The following DHRS9 variants were observed in gnomAD, a reference collection of about 807,000 sequenced individuals.
The protein encoded by DHRS9 is dehydrogenase/reductase SDR family member 9.
In DHRS9, 18 loss-of-function variants were observed where a neutral mutation model predicts 26.6. The ratio of observed to expected loss-of-function variants is 0.68; its 90% confidence interval spans 0.47 to 1.00. The LOEUF is 1.00. Among genes scored for constraint, DHRS9 ranks in the 50% least tolerant of loss-of-function variants. DHRS9 has a pLI of 0.00. For synonymous variants in DHRS9, 134 were observed against 141.1 expected, an observed-to-expected ratio of 0.95 and a Z score of 0.36; for missense variants, 425 against 378.7, an observed-to-expected ratio of 1.12 and a Z score of -1.01.
rs200691133 is a variant in DHRS9, at chr2:169,078,815, C to CTTTTTTTTTTTTTTTTTT, written c.-59-2699_-59-2682dup. On this transcript the variant is annotated intron_variant, in intron 1 of 4. Coordinates refer to ENST00000674881, the MANE Select transcript of DHRS9 (RefSeq NM_001376924.1). ...CTCTGACTTAATTTTTATCAACTGA[C>CTTTTTTTTTTTTTTTTTT]TTTTTTTTTTTTTTTTTTTTTTTTT... Among the ~76,000 whole-genome samples the CTTTTTTTTTTTTTTTTTT allele has an allele frequency of 1.6e-4, 18 of 110,366 alleles. 5 individuals are homozygous for CTTTTTTTTTTTTTTTTTT. Among genetic ancestry groups the CTTTTTTTTTTTTTTTTTT allele is most frequent in the African/African-American group, 6.4e-4 (17 of 26,666 alleles). The allele number at this position is 110,366 out of a possible 152,430, so 72.4% of individuals were successfully genotyped here. A position where few individuals can be genotyped will look rare whatever the true frequency, so the allele number is the denominator to read the frequency against.
At chr2:169,079,466 G>A (rs1376650503) in intron 1 of DHRS9, among the ~76,000 whole-genome samples, 1 of 151,736 alleles carries the variant, frequency 6.6e-6, no homozygotes, top group Non-Finnish European at 1.5e-5. Flanking sequence ...TTTTTTCTAT[G>A]TTTTTTCTTG....
At chr2:169,084,778 T>C (rs1399575716) in intron 3 of DHRS9, among the ~76,000 whole-genome samples, 3 of 152,128 alleles carry the variant, frequency 2.0e-5, no homozygotes, top group Non-Finnish European at 4.4e-5. Flanking sequence ...CCATTCTATG[T>C]GTTGTCTTTT....
At chr2:169,090,029 A>T (rs1009127404) in intron 3 of DHRS9, among the ~76,000 whole-genome samples, 2 of 152,220 alleles carry the variant, frequency 1.3e-5, no homozygotes, top group African/African-American at 4.8e-5. Flanking sequence ...TTTCAACTGA[A>T]GGGTTTGTGA....
At chr2:169,070,152 C>A (rs2105275964) in intron 1 of DHRS9, 1 of 985,366 alleles carries the variant, frequency 1.0e-6, no homozygotes, top group African/African-American at 1.7e-5. Context: ...TGTCTGTCCG[C>A]TTTATCAATA....
rs745788949 is a variant in DHRS9 at position 169,091,911 on chromosome 2, C to G, written c.694C>G (p.Pro232Ala). ...KKLAIWEQLS[P>A]DIKQQYGEGY... ...ACTCGCCATTTGGGAGCAGCTGTCT[C>G]CAGACATCAAACAACAATATGGAGA... Residue 232 changes from proline (P) to alanine (A), a missense_variant, in exon 4 of 5, where the codon CCA becomes GCA. Physicochemically the swap from Pro to Ala is conservative, Grantham distance 27. Coordinates refer to ENST00000674881, the MANE Select transcript of DHRS9 (RefSeq NM_001376924.1). The G allele has an allele frequency of 6.2e-7, 1 of 1,613,986 alleles. No individual in the cohort carries two copies.
chr2:169,067,355 C>T (rs991177234), upstream of DHRS9: 22 of 1,490,558 alleles, frequency 1.5e-5, no homozygotes, highest in Middle Eastern at 1.7e-4. Flanking sequence ...GGAAGCCTAA[C>T]GTATGTCTCC....
At chr2:169,090,286 C>A (rs1574036466) in intron 3 of DHRS9, among the ~76,000 whole-genome samples, 1 of 152,264 alleles carries the variant, frequency 6.6e-6, no homozygotes, top group Middle Eastern at 3.4e-3. Flanking sequence ...ACCTGGTAAG[C>A]TTAGTTGGAG....
chr2:169,069,415 T>C (rs1004721635), upstream of DHRS9: 18 of 985,324 alleles, frequency 1.8e-5, no homozygotes, highest in Admixed American at 6.2e-5. Flanking sequence ...GTAGCTAAAT[T>C]TATACTGCTG....
At chr2:169,092,053 C>T in intron 4 of DHRS9, 100 bp downstream of exon 4, 2 of 1,277,758 alleles carry the variant, frequency 1.6e-6, no homozygotes, top group Non-Finnish European at 2.1e-6. Flanking sequence ...CTGAGTAATA[C>T]CCCAATAAGG....
chr2:169,073,570 T>C (rs1683874196), intron 1 of DHRS9, among the ~76,000 whole-genome samples: 1 of 152,102 alleles, frequency 6.6e-6, no homozygotes, highest in Admixed American at 6.5e-5. Flanking sequence ...GTCAACAGCA[T>C]GGGGTAAACC....
chr2:169,081,883 T>G lies in DHRS9; in HGVS notation c.302T>G (p.Val101Gly). ...KRTAQWVKNQ[V>G]GEKGLWGLIN... Reference sequence around the variant, plus strand: ...ACTGCCCAGTGGGTGAAGAACCAAGTTGGGGAGAAAGGTGAGAGACATGGA... The same window carrying G: ...ACTGCCCAGTGGGTGAAGAACCAAGGTGGGGAGAAAGGTGAGAGACATGGA... The change falls in exon 2 of 5, where the codon GTT becomes GGT. Residue 101 changes from valine (V) to glycine (G), a missense_variant. By Grantham distance (109) the Val-to-Gly change is moderately radical. Transcript: ENST00000674881. 1.2e-6 allele frequency: 2 copies of G among 1,604,818 alleles called. No individual in the cohort carries two copies. Among genetic ancestry groups the G allele is most frequent in the Middle Eastern group, 3.3e-4 (2 of 5,992 alleles).
intron 1 of DHRS9, chr2:169,072,611 G>T (rs1683841978): frequency 4.1e-6 from 4 of 985,302 alleles, no homozygotes; most frequent in Non-Finnish European, 4.8e-6. Flanking sequence ...AAGCAGAAGT[G>T]ATCAAGGAGA....
chr2:169,095,817 A>AT lies in DHRS9; in HGVS notation c.*50_*51insT. The AT allele has an allele frequency of 1.3e-6, 2 of 1,517,152 alleles. No homozygotes were observed. The highest frequency in any genetic ancestry group is 1.8e-6 in the Non-Finnish European group (2 of 1,095,524). 94.0% of individuals were successfully genotyped at this position (1,517,152 alleles called of 1,614,324 possible). A position where few individuals can be genotyped will look rare whatever the true frequency, so the allele number is the denominator to read the frequency against. On this transcript the variant is annotated 3_prime_UTR_variant, in exon 5 of 5. Transcript: ENST00000674881. ...CCAGGCTATGAAATTGGCCGATTTC[A>AT]AGAACACATCTCCTTTTCAACCCCA...
intron 1 of DHRS9, among the ~76,000 whole-genome samples, chr2:169,071,808 C>T (rs1683812997): frequency 1.3e-5 from 2 of 152,130 alleles, no homozygotes; most frequent in Admixed American, 6.5e-5. Context: ...TTCAGTCAGA[C>T]TCTCAAAAAA....
chr2:169,088,112 C>T (rs1165016869), intron 3 of DHRS9, among the ~76,000 whole-genome samples: 1 of 152,198 alleles, frequency 6.6e-6, no homozygotes, highest in Non-Finnish European at 1.5e-5. Context: ...TTATTTAGAA[C>T]CCCACAGCAC....
chr2:169,086,859 C>T (rs72888671), intron 3 of DHRS9, among the ~76,000 whole-genome samples: 3 of 152,320 alleles, frequency 2.0e-5, no homozygotes, highest in Non-Finnish European at 4.4e-5. Context: ...ACAAGTGGAG[C>T]TTCTGTCTAT....
chr2:169,095,971 G>C lies in DHRS9; in HGVS notation c.*204G>C. On this transcript the variant is annotated 3_prime_UTR_variant, in exon 5 of 5. Transcript: ENST00000674881. ...TTCTTTGAAAAGGAGGGCTGGAATG[G>C]TACATCACATAGGCAAGTCCTGCCC... 1 of 594,126 alleles carries C rather than the reference G, an allele frequency of 1.7e-6. No homozygotes were observed. Among genetic ancestry groups the C allele is most frequent in the Non-Finnish European group, 3.0e-6 (1 of 334,020 alleles). The allele number at this position is 594,126 out of a possible 1,614,324, so 36.8% of individuals were successfully genotyped here.
At chr2:169,072,950 C>A (rs1389061349) in intron 1 of DHRS9, among the ~76,000 whole-genome samples, 2 of 152,162 alleles carry the variant, frequency 1.3e-5, no homozygotes, top group Non-Finnish European at 2.9e-5. Flanking sequence ...TACATAAACA[C>A]TTCCCAAAAC....
At chr2:169,084,025 C>T (rs1684277530) in intron 3 of DHRS9, among the ~76,000 whole-genome samples, 1 of 152,026 alleles carries the variant, frequency 6.6e-6, no homozygotes, top group Non-Finnish European at 1.5e-5. Context: ...AACTATCTCT[C>T]TACTTTCTGT....
Sources: gnomAD v4.1 joint callset for allele counts (sites outside exome capture counted in the v4.1 genomes callset) on GRCh38, gnomAD v4.1.1 for gene constraint, MANE v1.5 for transcripts, NCBI Gene and HGNC (gene_info 2026-07-23, HGNC 2026-07-21) for gene names.